PRKG1: variants seen among roughly 807,000 people sequenced by gnomAD.
PRKG1 encodes the protein protein kinase cGMP-dependent 1.
Under a neutral mutation model 88.1 loss-of-function variants are expected in PRKG1, and 35 were observed. The ratio of observed to expected loss-of-function variants is 0.40; its 90% CI spans 0.30 to 0.53. The LOEUF (loss-of-function observed/expected upper bound fraction) is 0.53, where lower values mean the gene tolerates loss of function less well. Ranked by LOEUF, PRKG1 falls within the 20% of genes least tolerant of loss-of-function variation. The probability of loss-of-function intolerance (pLI) is 0.59; values close to 1 mark genes in which losing one functional copy is unlikely to be tolerated. For missense variants in PRKG1, 540 were observed against 839.8 expected (o/e 0.64, Z 4.41); for synonymous variants, 303 against 292.5 (o/e 1.04, Z -0.37).
intron 9 of PRKG1, among the ~76,000 whole-genome samples, chr10:52,223,198 T>G (rs1840293695): frequency 1.3e-5 from 2 of 152,184 alleles, no homozygotes; most frequent in African/African-American, 2.4e-5. Flanking sequence ...GAAAATTTCT[T>G]GAAATACATA....
intron 3 of PRKG1, among the ~76,000 whole-genome samples, chr10:51,602,780 GTATA>G (rs752734995): frequency 0.14 from 17,652 of 126,398 alleles, 1,307 homozygotes; most frequent in African/African-American, 0.24. Flanking sequence ...GTGTGTGTGT[GTATA>G]TATTCATATA....
intron 5 of PRKG1, among the ~76,000 whole-genome samples, chr10:51,913,989 C>T (rs1207837503): frequency 6.6e-6 from 1 of 151,966 alleles, no homozygotes; most frequent in Non-Finnish European, 1.5e-5. Flanking sequence ...TAGGATGTAC[C>T]TGGGGGAAGA....
At chr10:51,953,362 A>ACAAAAT (rs142583645) in intron 5 of PRKG1, among the ~76,000 whole-genome samples, 12,043 of 152,212 alleles carry the variant, frequency 0.079, 1,290 homozygotes, top group African/African-American at 0.24. Context: ...AGTGTGAGAA[A>ACAAAAT]CAAAATCAGT....
chr10:52,244,936 TA>T (rs1840984878), intron 9 of PRKG1, among the ~76,000 whole-genome samples: 1 of 143,242 alleles, frequency 7.0e-6, no homozygotes, highest in South Asian at 2.1e-4. Context: ...AAATATACTT[TA>T]AATATATATT....
rs1239543452 is a variant in PRKG1, at chr10:52,294,473, C to G, written c.*573C>G. 6.6e-6 allele frequency: 1 copy of G among 152,490 alleles called. No individual in the cohort carries two copies. The highest frequency in any genetic ancestry group is 1.9e-4 in the East Asian group (1 of 5,192). The allele number at this position is 152,490 out of a possible 1,614,324, so 9.4% of individuals were successfully genotyped here. A position where few individuals can be genotyped will look rare whatever the true frequency, so the allele number is the denominator to read the frequency against. On this transcript the variant is annotated 3_prime_UTR_variant, in exon 18 of 18. Coordinates refer to ENST00000373980, the MANE Select transcript of PRKG1 (RefSeq NM_006258.4). ...TTTTATTTCCCAGCAGTGCTGATGACAAGACTGAATGTTACCTTTTCTTTC... is the reference window on the plus strand; with the variant it reads ...TTTTATTTCCCAGCAGTGCTGATGAGAAGACTGAATGTTACCTTTTCTTTC...
chr10:51,962,557 A>C (rs1259979159), intron 5 of PRKG1, among the ~76,000 whole-genome samples: 1 of 152,118 alleles, frequency 6.6e-6, no homozygotes, highest in African/African-American at 2.4e-5. Context: ...TTTGATTTGC[A>C]GCTGTGGTCA....
At chr10:51,659,830 C>T (rs565287493) in intron 3 of PRKG1, among the ~76,000 whole-genome samples, 99 of 152,178 alleles carry the variant, frequency 6.5e-4, no homozygotes, top group Non-Finnish European at 1.2e-3. Flanking sequence ...TTTGAAATGT[C>T]TGCTTCCAAC....
At chr10:51,617,451 G>A (rs1839089853) in intron 3 of PRKG1, among the ~76,000 whole-genome samples, 1 of 152,104 alleles carries the variant, frequency 6.6e-6, no homozygotes. Flanking sequence ...GCTGGTACCA[G>A]CACCTATCTG....
chr10:51,179,802 C>T (rs751897477), intron 2 of PRKG1, among the ~76,000 whole-genome samples: 1 of 152,152 alleles, frequency 6.6e-6, no homozygotes, highest in Non-Finnish European at 1.5e-5. Context: ...AGTGCTTGTT[C>T]TGCCCATTAC....
chr10:52,146,457 A>G (rs1837730057), intron 8 of PRKG1, among the ~76,000 whole-genome samples: 1 of 152,198 alleles, frequency 6.6e-6, no homozygotes, highest in Non-Finnish European at 1.5e-5. Context: ...ATAAATAGTC[A>G]TTAATTTTTC....
At chr10:51,869,994 G>C (rs116941768) in intron 4 of PRKG1, among the ~76,000 whole-genome samples, 3 of 152,032 alleles carry the variant, frequency 2.0e-5, no homozygotes, top group Non-Finnish European at 4.4e-5. Flanking sequence ...TCACAGCAAC[G>C]TGAAAGACTT....
chr10:52,212,620 A>G (rs73346919), intron 9 of PRKG1, among the ~76,000 whole-genome samples: 16,976 of 148,282 alleles, frequency 0.11, 1,563 homozygotes, highest in East Asian at 0.32. Flanking sequence ...GGTGTAGGGG[A>G]GAGAGAGAGA....
chr10:52,239,106 G>A (rs1840774517), intron 9 of PRKG1, among the ~76,000 whole-genome samples: 1 of 114,914 alleles, frequency 8.7e-6, no homozygotes, highest in Admixed American at 9.7e-5. Context: ...TCACTCATAG[G>A]TGGGAATTGA....
At chr10:51,987,874 A>C (rs921506649) in intron 5 of PRKG1, among the ~76,000 whole-genome samples, 1 of 152,110 alleles carries the variant, frequency 6.6e-6, no homozygotes, top group Non-Finnish European at 1.5e-5. Flanking sequence ...AATATTTTTA[A>C]TGAAATTATA....
intron 2 of PRKG1, among the ~76,000 whole-genome samples, chr10:51,337,238 T>C (rs1239553424): frequency 2.0e-5 from 3 of 152,178 alleles, no homozygotes; most frequent in Non-Finnish European, 4.4e-5. Context: ...ATCCCTTCCT[T>C]ATACCTTATA....
chr10:52,119,443 G>C (rs190317031), intron 7 of PRKG1, among the ~76,000 whole-genome samples: 2 of 152,264 alleles, frequency 1.3e-5, no homozygotes, highest in Non-Finnish European at 2.9e-5. Flanking sequence ...ACACAGTCCA[G>C]TTTTGAGGTA....
intron 2 of PRKG1, among the ~76,000 whole-genome samples, chr10:51,199,487 G>A (rs947607859): frequency 2.6e-5 from 4 of 152,174 alleles, no homozygotes; most frequent in African/African-American, 9.7e-5. Flanking sequence ...ACATGTATGA[G>A]TGTGGCCGAT....
At chr10:51,937,249 A>G (rs897380747) in intron 5 of PRKG1, among the ~76,000 whole-genome samples, 1 of 152,050 alleles carries the variant, frequency 6.6e-6, no homozygotes, top group African/African-American at 2.4e-5. Flanking sequence ...TATATTTCAT[A>G]TGATTTTATT....
At chr10:51,839,930 T>C (rs1246883259) in intron 4 of PRKG1, among the ~76,000 whole-genome samples, 1 of 152,206 alleles carries the variant, frequency 6.6e-6, no homozygotes, top group Non-Finnish European at 1.5e-5. Flanking sequence ...AGTTTAGTTT[T>C]TAATTCTTGA....
Sources: allele counts gnomAD v4.1 joint callset (sites outside exome capture counted in the v4.1 genomes callset), GRCh38; gene constraint gnomAD v4.1.1; transcripts MANE v1.5; gene names NCBI Gene and HGNC (gene_info 2026-07-23, HGNC 2026-07-21).